DET1: variants seen among roughly 807,000 people sequenced by gnomAD.
DET1 encodes DET1 partner of COP1 E3 ubiquitin ligase.
DET1 carries 22 observed loss-of-function variants against 43.7 expected under a neutral mutation model. That is an observed-to-expected ratio of 0.50 (90% CI 0.36 to 0.72). DET1 has a LOEUF of 0.72. Among genes scored for constraint, DET1 ranks in the 30% least tolerant of loss-of-function variants. The pLI, the probability that DET1 is intolerant of heterozygous loss-of-function variation, is 0.00. For missense variants in DET1, 713 were observed against 713.3 expected (o/e 1.00, Z 0.00); for synonymous variants, 315 against 266.2 (o/e 1.18, Z -1.79).
At chr15:88,517,662 T>G (rs2056382799) in intron 3 of DET1, among the ~76,000 whole-genome samples, 1 of 152,206 alleles carries the variant, frequency 6.6e-6, no homozygotes, top group African/African-American at 2.4e-5. Flanking sequence ...CCCCAAATAA[T>G]TGCCTTAGAC....
intron 2 of DET1, among the ~76,000 whole-genome samples, chr15:88,530,359 T>C (rs1333648607): frequency 1.3e-5 from 2 of 152,118 alleles, no homozygotes; most frequent in Non-Finnish European, 2.9e-5. Context: ...ATCTCATGAG[T>C]ACTGAAAATA....
chr15:88,545,997 G>A (rs1385135819), intron 1 of DET1, among the ~76,000 whole-genome samples: 1 of 151,382 alleles, frequency 6.6e-6, no homozygotes, highest in African/African-American at 2.4e-5. Context: ...ACCTGGAACT[G>A]TTTACTTTCC....
chr15:88,536,698 G>C (rs942522769), intron 1 of DET1, among the ~76,000 whole-genome samples: 4 of 149,020 alleles, frequency 2.7e-5, no homozygotes, highest in African/African-American at 1.0e-4. Context: ...TTGAACCCGG[G>C]AGGCAGAGGT....
chr15:88,526,215 C>T (rs2056658655), intron 3 of DET1, among the ~76,000 whole-genome samples: 1 of 152,202 alleles, frequency 6.6e-6, no homozygotes, highest in Non-Finnish European at 1.5e-5. Flanking sequence ...CATGATGCCA[C>T]TGCATTAAGA....
chr15:88,524,058 C>A (rs1400272227), intron 3 of DET1, among the ~76,000 whole-genome samples: 2 of 150,802 alleles, frequency 1.3e-5, no homozygotes, highest in Non-Finnish European at 3.0e-5. Context: ...GGCCGCCCAT[C>A]GTCTGAGATG....
intron 4 of DET1, 120 bp from the exon 5 acceptor site, chr15:88,513,260 G>A (rs1285027687): frequency 1.1e-5 from 12 of 1,068,056 alleles, no homozygotes; most frequent in South Asian, 3.5e-5. Context: ...TAATGAAATC[G>A]CCTCTTATAT....
rs891384040 is a variant in DET1 at position 88,538,673 on chromosome 15, C to T, written c.-10-6958G>A. 2.6e-5 allele frequency among the ~76,000 whole-genome samples: 4 copies of T among 152,282 alleles called. No homozygotes were observed. The East Asian group carries it at 7.7e-4, about 29-fold the overall frequency. ...AGGCCCCAGCGAGAAATTAATGCCA[C>T]TGGGTGAGAGTTGGTCTTGCTCCGG... On this transcript the variant is annotated intron_variant, in intron 1 of 4. Transcript: ENST00000268148.
In DET1 at chr15:88,522,508, C is replaced by T. The variant is rs1393150829; in HGVS notation, c.1271+5091G>A. On this transcript the variant is annotated intron_variant, in intron 3 of 4. Coordinates refer to ENST00000268148, the MANE Select transcript of DET1 (RefSeq NM_001144074.3). ...AGTTTCTCATTGTTCTAGGAATGTT[C>T]CTGGTTTTTTTTTTTTTTTGAGTTG... is the stretch of plus-strand genomic sequence containing the variant. 3.6e-4 allele frequency among the ~76,000 whole-genome samples: 17 copies of T among 47,410 alleles called. No individual in the cohort carries two copies. In the East Asian group the frequency reaches 0.011, roughly 31 times the overall value. The allele number at this position is 47,410 out of a possible 152,430, so 31.1% of individuals were successfully genotyped here. A position where few individuals can be genotyped will look rare whatever the true frequency, so the allele number is the denominator to read the frequency against.
Position 88,513,074 on chromosome 15 carries a change from G to A in DET1, c.1530C>T (p.Ile510=). The A allele has an allele frequency of 6.2e-7, 1 of 1,614,052 alleles. No homozygotes were observed. Among genetic ancestry groups the A allele is most frequent in the South Asian group, 1.1e-5 (1 of 91,084 alleles). ...EIQAGLLGRP[I]NHTVRRLVAF... is the part of the protein sequence containing the mutation. ...CAACAAGGCGTCGCACTGTGTGGTTGATGGGGCGGCCCAATAACCCCGCCT... is the reference window on the plus strand; with the variant it reads ...CAACAAGGCGTCGCACTGTGTGGTTAATGGGGCGGCCCAATAACCCCGCCT... Residue 510 remains isoleucine (I), a synonymous_variant, in exon 5 of 5, where the codon ATC becomes ATT. Transcript: ENST00000268148.
intron 1 of DET1, among the ~76,000 whole-genome samples, chr15:88,533,526 C>A (rs945576248): frequency 1.3e-5 from 2 of 152,086 alleles, no homozygotes; most frequent in African/African-American, 4.8e-5. Flanking sequence ...GAGATGGAAG[C>A]AACCCAAAAG....
rs960413159 is a variant in DET1, at chr15:88,536,864, G to A, written c.-10-5149C>T. 7.9e-5 allele frequency among the ~76,000 whole-genome samples: 12 copies of A among 151,946 alleles called. 1 individual carries two copies. Among genetic ancestry groups the A allele is most frequent in the African/African-American group, 2.9e-4 (12 of 41,368 alleles). On this transcript the variant is annotated intron_variant, in intron 1 of 4. Coordinates refer to ENST00000268148, the MANE Select transcript of DET1 (RefSeq NM_001144074.3). ...AAAAAGCATGACATGGCACATTTGG[G>A]AAACAGAGCAATTTCAAGTGGTTAG...
At chr15:88,523,864 G>C (rs1185569783) in intron 3 of DET1, among the ~76,000 whole-genome samples, 3 of 151,794 alleles carry the variant, frequency 2.0e-5, no homozygotes, top group Non-Finnish European at 4.4e-5. Context: ...CCGCCACCCC[G>C]TCTGGGAAGT....
chr15:88,513,944 C>T (rs955827966), intron 4 of DET1, among the ~76,000 whole-genome samples: 3 of 149,814 alleles, frequency 2.0e-5, no homozygotes, highest in Admixed American at 6.6e-5. Flanking sequence ...GGACTACAGG[C>T]GCCCGCTACC....
chr15:88,521,091 C>A (rs550198503), intron 3 of DET1, among the ~76,000 whole-genome samples: 1 of 152,196 alleles, frequency 6.6e-6, no homozygotes, highest in Non-Finnish European at 1.5e-5. Flanking sequence ...CCTACCTCCC[C>A]ACCCCAAATC....
rs1567056516 is a variant in DET1 at position 88,512,716 on chromosome 15, T to C, written c.*235A>G. The C allele has an allele frequency of 4.0e-6, 5 of 1,250,698 alleles. No individual in the cohort carries two copies. The highest frequency in any genetic ancestry group is 3.1e-4 in the Middle Eastern group (1 of 3,264). The allele number at this position is 1,250,698 out of a possible 1,614,324, so 77.5% of individuals were successfully genotyped here. On this transcript the variant is annotated 3_prime_UTR_variant, in exon 5 of 5. Coordinates refer to ENST00000268148, the MANE Select transcript of DET1 (RefSeq NM_001144074.3). ...AAATGGACTTAATTAATGCTGGGCA[T>C]TCCCACAGGGAAAACGCAAGAGGAT... is the stretch of plus-strand genomic sequence containing the variant.
intron 1 of DET1, among the ~76,000 whole-genome samples, chr15:88,543,173 C>T (rs956496543): frequency 6.6e-6 from 1 of 152,122 alleles, no homozygotes; most frequent in Non-Finnish European, 1.5e-5. Flanking sequence ...CAGGGAATTG[C>T]TAAGGGGGTG....
intron 3 of DET1, among the ~76,000 whole-genome samples, chr15:88,517,811 C>G (rs1358366661): frequency 1.3e-5 from 2 of 152,200 alleles, no homozygotes; most frequent in Non-Finnish European, 2.9e-5. Context: ...AACTAGCTAC[C>G]TATATTCCTG....
At chr15:88,510,116 G>A (rs1337912434), downstream of DET1, among the ~76,000 whole-genome samples, 5 of 152,210 alleles carry the variant, frequency 3.3e-5, no homozygotes, top group African/African-American at 1.2e-4. Flanking sequence ...TGGGGTCTAA[G>A]ATCCTCTGTA....
chr15:88,516,765 T>G lies in DET1; in HGVS notation c.1463+17A>C, dbSNP rs1339823811. On this transcript the variant is annotated intron_variant, in intron 4 of 4. Coordinates refer to ENST00000268148, the MANE Select transcript of DET1 (RefSeq NM_001144074.3). The surrounding 1 kb of genome is among the most constrained non-coding windows in gnomAD (Gnocchi z 4.4). ...TCAGCCCTTGAGCAGTTTGTAGCTA[T>G]AGCAGTGACACTGTACCTGATTGGG... is the stretch of plus-strand genomic sequence containing the variant. 6.5e-7 allele frequency: 1 copy of G among 1,534,208 alleles called. No individual in the cohort carries two copies. Among genetic ancestry groups the G allele is most frequent in the Non-Finnish European group, 8.7e-7 (1 of 1,146,086 alleles).
Sources: allele counts gnomAD v4.1 joint callset (sites outside exome capture counted in the v4.1 genomes callset), GRCh38; gene constraint gnomAD v4.1.1; non-coding constraint Gnocchi (gnomAD v3.1); transcripts MANE v1.5; gene names NCBI Gene and HGNC (gene_info 2026-07-23, HGNC 2026-07-21).